Variants in LRP1B observed in about 807,000 individuals in gnomAD.
The protein encoded by LRP1B is low-density lipoprotein receptor-related protein 1B.
A neutral mutation model predicts 556.6 loss-of-function variants in LRP1B; 217 were observed. The observed-to-expected ratio is 0.39, with a 90% CI of 0.35 to 0.44. LRP1B has a LOEUF of 0.44. Among genes scored for constraint, LRP1B ranks in the 20% least tolerant of loss-of-function variants. The pLI is 1.00. For missense variants in LRP1B, 5,053 were observed against 5,620.8 expected, an observed-to-expected ratio of 0.90 and a Z score of 3.23; for synonymous variants, 2,047 against 1,865.8, an observed-to-expected ratio of 1.10 and a Z score of -2.50.
chr2:140,659,660 T>G (rs1048083925), intron 41 of LRP1B, among the ~76,000 whole-genome samples: 1 of 151,984 alleles, frequency 6.6e-6, no homozygotes. Flanking sequence ...TAGGCTGAGA[T>G]ACAAAGGAAG....
At chr2:141,057,507 G>T (rs1368108840) in intron 9 of LRP1B, among the ~76,000 whole-genome samples, 1 of 151,738 alleles carries the variant, frequency 6.6e-6, no homozygotes, top group African/African-American at 2.4e-5. Context: ...CCCACGTGTT[G>T]TTGGGGGGGA....
chr2:140,315,308 T>C (rs532191764), intron 82 of LRP1B, among the ~76,000 whole-genome samples: 2 of 152,178 alleles, frequency 1.3e-5, no homozygotes, highest in Middle Eastern at 6.3e-3. Flanking sequence ...AATTAATGTG[T>C]ATTCTTCTTT....
chr2:140,511,567 C>T (rs907443442), intron 51 of LRP1B, among the ~76,000 whole-genome samples: 3 of 152,126 alleles, frequency 2.0e-5, no homozygotes, highest in Non-Finnish European at 4.4e-5. Flanking sequence ...TCCCAAAGTG[C>T]TGGGGTTACA....
chr2:140,386,406 A>G (rs1374902385), intron 66 of LRP1B, among the ~76,000 whole-genome samples: 2 of 152,172 alleles, frequency 1.3e-5, no homozygotes, highest in Non-Finnish European at 2.9e-5. Flanking sequence ...AACAAAATAT[A>G]TGGTTATTAA....
intron 72 of LRP1B, among the ~76,000 whole-genome samples, chr2:140,361,691 G>C (rs918341071): frequency 7.3e-5 from 11 of 151,088 alleles, no homozygotes; most frequent in African/African-American, 2.4e-4. Flanking sequence ...TCTTCACTTA[G>C]GGGCTTGTTG....
intron 7 of LRP1B, among the ~76,000 whole-genome samples, chr2:141,163,785 C>G (rs1031201031): frequency 1.3e-5 from 2 of 151,982 alleles, no homozygotes; most frequent in African/African-American, 4.8e-5. Context: ...GTCCACTAAG[C>G]CTCTTTTTCT....
intron 1 of LRP1B, among the ~76,000 whole-genome samples, chr2:141,877,502 G>C (rs1459474647): frequency 6.6e-6 from 1 of 151,970 alleles, no homozygotes; most frequent in Non-Finnish European, 1.5e-5. Flanking sequence ...TCTGCAGGCT[G>C]ACACAGAAAG....
rs576879034 is a variant in LRP1B at position 140,915,934 on chromosome 2, A to G, written c.3319+7031T>C. 3.3e-5 allele frequency among the ~76,000 whole-genome samples: 5 copies of G among 151,938 alleles called. No homozygotes were observed. The South Asian group carries it at 1.0e-3, about 32-fold the overall frequency. ...TCCCAGCTACTTGGGAGGCTGAGGCAAGAGAATGGTGTGAACCCAGGAGAC... is the reference window on the plus strand; with the variant it reads ...TCCCAGCTACTTGGGAGGCTGAGGCGAGAGAATGGTGTGAACCCAGGAGAC... On this transcript the variant is annotated intron_variant, in intron 21 of 90. Coordinates refer to ENST00000389484, the MANE Select transcript of LRP1B (RefSeq NM_018557.3).
At chr2:142,009,700 C>A (rs1346170731) in intron 1 of LRP1B, among the ~76,000 whole-genome samples, 1 of 152,104 alleles carries the variant, frequency 6.6e-6, no homozygotes, top group Non-Finnish European at 1.5e-5. Flanking sequence ...TTTTATGCTG[C>A]ATATATGTCT....
At chr2:140,481,971 C>A (rs781454499) in intron 59 of LRP1B, among the ~76,000 whole-genome samples, 2 of 152,144 alleles carry the variant, frequency 1.3e-5, no homozygotes, top group Non-Finnish European at 1.5e-5. Flanking sequence ...TAGAGCACCA[C>A]GTCACTCAGC....
intron 35 of LRP1B, among the ~76,000 whole-genome samples, chr2:140,729,454 C>A (rs1454034433): frequency 1.3e-5 from 2 of 152,130 alleles, no homozygotes; most frequent in African/African-American, 4.8e-5. Context: ...TATTTCCCAA[C>A]ATGACTTTAC....
chr2:141,741,856 A>G (rs1432333180), intron 2 of LRP1B, among the ~76,000 whole-genome samples: 1 of 152,138 alleles, frequency 6.6e-6, no homozygotes, highest in African/African-American at 2.4e-5. Flanking sequence ...ATTGCGCAAG[A>G]AATCTTTGAC....
intron 1 of LRP1B, among the ~76,000 whole-genome samples, chr2:141,952,720 A>G (rs1701139895): frequency 6.6e-6 from 1 of 152,152 alleles, no homozygotes; most frequent in African/African-American, 2.4e-5. Context: ...CTATAAAAAC[A>G]ATTAAACCCT....
intron 84 of LRP1B, among the ~76,000 whole-genome samples, chr2:140,297,601 C>T (rs932779723): frequency 1.3e-5 from 2 of 151,928 alleles, no homozygotes; most frequent in African/African-American, 4.8e-5. Context: ...AATAATGGAC[C>T]ATGCAATCAA....
intron 32 of LRP1B, among the ~76,000 whole-genome samples, chr2:140,805,105 T>G (rs1690665512): frequency 1.3e-5 from 2 of 152,126 alleles, no homozygotes; most frequent in Admixed American, 6.6e-5. Flanking sequence ...GAGCCAATGT[T>G]TTTCTGATTA....
At chr2:140,306,196 T>C (rs192257544) in intron 83 of LRP1B, among the ~76,000 whole-genome samples, 1,732 of 151,604 alleles carry the variant, frequency 0.011, 39 homozygotes, top group African/African-American at 0.041. Context: ...TTCCCTCTTT[T>C]TCTATTGATT....
intron 2 of LRP1B, among the ~76,000 whole-genome samples, chr2:141,551,014 T>TCAC (rs1685731837): frequency 6.6e-6 from 1 of 152,076 alleles, no homozygotes; most frequent in Admixed American, 6.6e-5. Flanking sequence ...ACTGAATAAG[T>TCAC]ACATTTTACT....
At chr2:141,338,354 G>A (rs1211271157) in intron 3 of LRP1B, among the ~76,000 whole-genome samples, 2 of 152,108 alleles carry the variant, frequency 1.3e-5, no homozygotes, top group Non-Finnish European at 2.9e-5. Context: ...AGACTCAGGA[G>A]TACCCTTTCC....
intron 37 of LRP1B, among the ~76,000 whole-genome samples, chr2:140,707,240 A>G (rs1279464815): frequency 6.6e-6 from 1 of 152,082 alleles, no homozygotes; most frequent in African/African-American, 2.4e-5. Flanking sequence ...GATAAAGAAA[A>G]CCTGAGATAA....
Sources: allele counts gnomAD v4.1 joint callset (sites outside exome capture counted in the v4.1 genomes callset), GRCh38; gene constraint gnomAD v4.1.1; transcripts MANE v1.5; gene names NCBI Gene and HGNC (gene_info 2026-07-23, HGNC 2026-07-21).